The following INF2 variants were observed in gnomAD, a reference collection of about 807,000 sequenced individuals.
INF2 encodes the protein inverted formin 2.
A neutral mutation model predicts 123.5 loss-of-function variants in INF2; 43 were observed. That is an observed-to-expected ratio of 0.35 (90% confidence interval 0.27 to 0.45). The LOEUF (loss-of-function observed/expected upper bound fraction) is 0.45, where lower values mean the gene tolerates loss of function less well. INF2 is among the 20% of genes least tolerant of loss of function. INF2 has a pLI of 1.00. For missense variants in INF2, 1,453 were observed against 1,682.7 expected, an observed-to-expected ratio of 0.86 and a Z score of 2.39; for synonymous variants, 851 against 745.0, an observed-to-expected ratio of 1.14 and a Z score of -2.32.
chr14:104,699,546 G>T lies in INF2; in HGVS notation c.-9-1811G>T. The T allele has an allele frequency of 2.0e-6, 2 of 985,192 alleles. No individual in the cohort carries two copies. The highest frequency in any genetic ancestry group is 2.4e-6 in the Non-Finnish European group (2 of 829,876). The allele number at this position is 985,192 out of a possible 1,614,324, so 61.0% of individuals were successfully genotyped here. A position where few individuals can be genotyped will look rare whatever the true frequency, so the allele number is the denominator to read the frequency against. The stretch of plus-strand genomic sequence containing the variant: ...CAGGGGAGCGTGAGGAGCAGCCCAG[G>T]ACAGGGCCCAGAGTGGGTGGGCAGA... On this transcript the variant is annotated intron_variant, in intron 1 of 22. Coordinates refer to ENST00000392634, the MANE Select transcript of INF2 (RefSeq NM_022489.4). This position sits in a 1 kb window ranked among gnomAD's most constrained non-coding sequence, Gnocchi z 4.7.
At chr14:104,705,913 G>A in intron 5 of INF2, 122 bp from the exon 6 acceptor site, 2 of 1,249,494 alleles carry the variant, frequency 1.6e-6, no homozygotes, top group Non-Finnish European at 2.2e-6. Flanking sequence ...GCTGGCTATG[G>A]CCTGGCTCAG....
chr14:104,716,452 A>G (rs1890302654), intron 22 of INF2, among the ~76,000 whole-genome samples: 4 of 152,130 alleles, frequency 2.6e-5, no homozygotes, highest in Admixed American at 2.0e-4. Flanking sequence ...TCTCCCTTAG[A>G]GGCTGGAACT....
At chr14:104,708,851 C>T in intron 10 of INF2, 119 bp downstream of exon 10, 1 of 1,078,782 alleles carries the variant, frequency 9.3e-7, no homozygotes, top group Non-Finnish European at 1.4e-6. Context: ...ACTGCATCCC[C>T]TAGGCAGGAT....
Position 104,711,673 on chromosome 14 carries a change from C to G in INF2, c.2463C>G (p.Asp821Glu), listed in dbSNP as rs1890054018. Reference sequence around the variant, plus strand: ...CCGACCTCCTGCAGCTGCCCCGGGACCTGGAACAGCCCTCGCAAGCAGCAG... The same window carrying G: ...CCGACCTCCTGCAGCTGCCCCGGGAGCTGGAACAGCCCTCGCAAGCAGCAG... ...SHPDLLQLPR[D>E]LEQPSQAAGI... Residue 821 changes from aspartate (D) to glutamate (E), a missense_variant, in exon 16 of 23, where the codon GAC becomes GAG. Transcript: ENST00000392634. 1 of 1,612,428 alleles carries G rather than the reference C, an allele frequency of 6.2e-7. No individual in the cohort carries two copies.
At position 104,719,025 on chromosome 14, in the gene INF2, G is replaced by A. The variant is rs886050384; in HGVS notation, c.*232G>A. ...TGGTGCCCTCCTGGACCGCCTGCACGTGCCAGCCTCCCACCTGCTTCCTAA... is the reference window on the plus strand; with the variant it reads ...TGGTGCCCTCCTGGACCGCCTGCACATGCCAGCCTCCCACCTGCTTCCTAA... On this transcript the variant is annotated 3_prime_UTR_variant, in exon 23 of 23. Coordinates refer to ENST00000392634, the MANE Select transcript of INF2 (RefSeq NM_022489.4). 18 of 1,033,072 alleles carry A rather than the reference G, an allele frequency of 1.7e-5. No individual in the cohort carries two copies. Among genetic ancestry groups the A allele is most frequent in the African/African-American group, 3.3e-5 (2 of 61,148 alleles). The allele number at this position is 1,033,072 out of a possible 1,614,324, so 64.0% of individuals were successfully genotyped here.
intron 1 of INF2, chr14:104,689,982 C>G (rs1040419359): frequency 6.5e-6 from 1 of 153,194 alleles, no homozygotes; most frequent in Non-Finnish European, 1.5e-5. Context: ...ACCGCCCGAG[C>G]GCGCACTGGC....
chr14:104,683,942 G>C, intron 1 of INF2: 1 of 423,210 alleles, frequency 2.4e-6, no homozygotes, highest in Non-Finnish European at 4.8e-6. Flanking sequence ...GGTGCGGGTG[G>C]GTCTCAGGCA....
intron 1 of INF2, among the ~76,000 whole-genome samples, chr14:104,682,935 C>A (rs939743547): frequency 8.5e-5 from 13 of 152,088 alleles, no homozygotes; most frequent in South Asian, 8.3e-4. Context: ...GGGGCCTCCG[C>A]AATGTTGGGT....
At position 104,712,520 on chromosome 14, in the gene INF2, C is replaced by T. The variant is rs756150288; in HGVS notation, c.2577C>T (p.Ala859=). 2.5e-5 allele frequency: 41 copies of T among 1,612,532 alleles called. 1 individual carries two copies. In the South Asian group the frequency reaches 3.0e-4, roughly 12 times the overall value. ...ETERKVSASV[A]EVQEQYTERL... is the part of the protein sequence containing the mutation. ...AGCGGAAGGTGTCTGCCTCCGTGGCCGAGGTCCAGGAGCAGTACACCGAGC... is the reference window on the plus strand; with the variant it reads ...AGCGGAAGGTGTCTGCCTCCGTGGCTGAGGTCCAGGAGCAGTACACCGAGC... The change falls in exon 17 of 23, where the codon GCC becomes GCT. Residue 859 remains alanine (A), a synonymous_variant. Coordinates refer to ENST00000392634, the MANE Select transcript of INF2 (RefSeq NM_022489.4).
intron 2 of INF2, among the ~76,000 whole-genome samples, chr14:104,702,240 G>A (rs1036571300): frequency 2.0e-5 from 3 of 152,106 alleles, no homozygotes; most frequent in Middle Eastern, 3.2e-3. Flanking sequence ...ACCTCCCAGC[G>A]CCTTCCCTAG....
chr14:104,689,589 C>A, upstream of INF2: 15 of 812,928 alleles, frequency 1.8e-5, no homozygotes, highest in South Asian at 5.6e-5. Context: ...CCTCCTCTTC[C>A]TCCCGCCCGC....
At chr14:104,718,502 G>A (rs1376802065) in intron 22 of INF2, among the ~76,000 whole-genome samples, 1 of 152,148 alleles carries the variant, frequency 6.6e-6, no homozygotes, top group East Asian at 1.9e-4. Flanking sequence ...GTCTCAGACA[G>A]GGGGTGGGGG....
intron 1 of INF2, among the ~76,000 whole-genome samples, chr14:104,698,338 C>A (rs58781996): frequency 1.3e-5 from 2 of 152,196 alleles, no homozygotes; most frequent in African/African-American, 2.4e-5. Context: ...ACACCACCCC[C>A]CAGTGAGAAC....
intron 6 of INF2, among the ~76,000 whole-genome samples, chr14:104,706,499 C>T (rs1889787397): frequency 6.6e-6 from 1 of 152,194 alleles, no homozygotes; most frequent in African/African-American, 2.4e-5. Flanking sequence ...GCTGCCCAGT[C>T]CCCATCAGGT....
intron 1 of INF2, among the ~76,000 whole-genome samples, chr14:104,694,791 G>A (rs888793932): frequency 6.6e-6 from 1 of 152,156 alleles, no homozygotes; most frequent in Non-Finnish European, 1.5e-5. Context: ...AGCTGCTAGC[G>A]GGGATGTAGG....
intron 2 of INF2, among the ~76,000 whole-genome samples, chr14:104,702,258 C>T (rs559545612): frequency 3.4e-4 from 52 of 152,340 alleles, no homozygotes; most frequent in African/African-American, 1.2e-3. Flanking sequence ...TAGCGCCTCC[C>T]TCCCCGCCCT....
chr14:104,714,131 A>G lies in INF2; in HGVS notation c.3041-72A>G, dbSNP rs140030424. ...GCAGGGCGTTCAGGTAGACAGCGGA[A>G]TGGAGGAGGCTGCACCTGGGCTGGC... is the stretch of plus-strand genomic sequence containing the variant. On this transcript the variant is annotated intron_variant, in intron 20 of 22. Transcript: ENST00000392634. 960 of 1,308,568 alleles carry G rather than the reference A, an allele frequency of 7.3e-4. 8 individuals carry two copies. The African/African-American group carries it at 0.012, about 16-fold the overall frequency. 81.1% of individuals were successfully genotyped at this position (1,308,568 alleles called of 1,614,324 possible). A position where few individuals can be genotyped will look rare whatever the true frequency, so the allele number is the denominator to read the frequency against.
chr14:104,715,208 C>T, intron 21 of INF2, 76 bp from the exon 22 acceptor site: 2 of 1,464,560 alleles, frequency 1.4e-6, no homozygotes, highest in Non-Finnish European at 1.9e-6. Context: ...CCCGGGCCCC[C>T]CAGCCCCACC....
intron 22 of INF2, among the ~76,000 whole-genome samples, chr14:104,718,019 G>C (rs1890393988): frequency 6.6e-6 from 1 of 152,230 alleles, no homozygotes; most frequent in Non-Finnish European, 1.5e-5. Flanking sequence ...GCTCACCCCA[G>C]ACTTGCTGAT....
Sources: gnomAD v4.1 joint callset for allele counts (sites outside exome capture counted in the v4.1 genomes callset) on GRCh38, gnomAD v4.1.1 for gene constraint, Gnocchi (gnomAD v3.1) non-coding constraint, MANE v1.5 for transcripts, NCBI Gene and HGNC (gene_info 2026-07-23, HGNC 2026-07-21) for gene names.